RELN: variants seen among roughly 807,000 people sequenced by gnomAD.
The protein encoded by RELN is reelin.
RELN carries 108 observed loss-of-function variants against 427.6 expected under a neutral mutation model. That is an observed-to-expected ratio of 0.25 (90% confidence interval 0.22 to 0.30). The LOEUF is 0.30. Among genes scored for constraint, RELN ranks in the 10% least tolerant of loss-of-function variants. The pLI is 1.00. For missense variants in RELN, 3,715 were observed against 4,302.8 expected (o/e 0.86, Z 3.82); for synonymous variants, 1,524 against 1,513.4 (o/e 1.01, Z -0.16).
At chr7:103,487,965 G>GT (rs200870534) in intron 60 of RELN, among the ~76,000 whole-genome samples, 4,990 of 152,176 alleles carry the variant, frequency 0.033, 113 homozygotes, top group African/African-American at 0.068. Flanking sequence ...CTAACACGGT[G>GT]AAACCCCATC....
At chr7:103,770,506 T>C (rs1208631553) in intron 4 of RELN, among the ~76,000 whole-genome samples, 6 of 152,164 alleles carry the variant, frequency 3.9e-5, no homozygotes, top group African/African-American at 1.2e-4. Context: ...GTTCAACCTA[T>C]TCAACTTCAA....
chr7:103,818,869 C>T (rs919048778), intron 3 of RELN, among the ~76,000 whole-genome samples: 7 of 150,678 alleles, frequency 4.6e-5, no homozygotes, highest in African/African-American at 1.7e-4. Flanking sequence ...TTTGTAAAAA[C>T]TAAAATTGAA....
intron 11 of RELN, among the ~76,000 whole-genome samples, chr7:103,676,255 A>G (rs1236938719): frequency 6.6e-6 from 1 of 152,236 alleles, no homozygotes; most frequent in African/African-American, 2.4e-5. Context: ...TTCTCAAAAG[A>G]AGATGTTTAT....
chr7:103,868,241 G>T (rs973682838), intron 2 of RELN, among the ~76,000 whole-genome samples: 1 of 151,984 alleles, frequency 6.6e-6, no homozygotes, highest in African/African-American at 2.4e-5. Context: ...GCCTCAAACC[G>T]AGCAAGCTAA....
chr7:103,611,491 A>G (rs1254529365), intron 21 of RELN, 120 bp downstream of exon 21: 44 of 752,532 alleles, frequency 5.8e-5, no homozygotes, highest in Non-Finnish European at 8.8e-6. Context: ...CAAATATTAA[A>G]TAACACTGTT....
At chr7:103,587,602 G>A (rs960498632) in intron 28 of RELN, among the ~76,000 whole-genome samples, 10 of 152,012 alleles carry the variant, frequency 6.6e-5, no homozygotes, top group East Asian at 1.9e-4. Context: ...CTATGGGATC[G>A]GAAAAATATT....
chr7:103,610,945 T>G, intron 21 of RELN, 138 bp from the exon 22 acceptor site: 1 of 680,860 alleles, frequency 1.5e-6, no homozygotes, highest in East Asian at 2.7e-5. Flanking sequence ...ATGGAAACAA[T>G]CCATGATTTT....
At chr7:103,808,497 C>G (rs1365191005) in intron 3 of RELN, among the ~76,000 whole-genome samples, 1 of 151,848 alleles carries the variant, frequency 6.6e-6, no homozygotes, top group Non-Finnish European at 1.5e-5. Context: ...TCAACAATCA[C>G]TAGACTTTTT....
At chr7:103,694,563 T>G (rs576699726) in intron 10 of RELN, among the ~76,000 whole-genome samples, 11 of 152,040 alleles carry the variant, frequency 7.2e-5, no homozygotes, top group Non-Finnish European at 1.0e-4. Context: ...CCTAGAACAG[T>G]AAGTGTTCAA....
At chr7:103,880,014 G>C (rs745998567) in intron 2 of RELN, among the ~76,000 whole-genome samples, 1 of 151,758 alleles carries the variant, frequency 6.6e-6, no homozygotes, top group Non-Finnish European at 1.5e-5. Context: ...CCACAAGCTA[G>C]GCTTAATGTG....
rs1435863775 is a variant in RELN at position 103,626,222 on chromosome 7, C to T, written c.2702+3718G>A. ...AATTATCTGGCTTTAATTTTACAAG[C>T]TTCTAAGTGGCAGTGTGAGAATTTG... On this transcript the variant is annotated intron_variant, in intron 20 of 64. Coordinates refer to ENST00000428762, the MANE Select transcript of RELN (RefSeq NM_005045.4). The surrounding 1 kb of genome is among the most constrained non-coding windows in gnomAD (Gnocchi z 4.4). 6.6e-6 allele frequency among the ~76,000 whole-genome samples: 1 copy of T among 152,110 alleles called. No homozygotes were observed. The highest frequency in any genetic ancestry group is 2.4e-5 in the African/African-American group (1 of 41,436).
chr7:103,831,025 C>T (rs1203424785), intron 3 of RELN, among the ~76,000 whole-genome samples: 1 of 151,954 alleles, frequency 6.6e-6, no homozygotes, highest in African/African-American at 2.4e-5. Context: ...ACTTAAAATA[C>T]CTAAGTTATT....
chr7:103,576,667 C>T (rs1007856013), intron 28 of RELN, among the ~76,000 whole-genome samples: 2 of 152,198 alleles, frequency 1.3e-5, no homozygotes, highest in Non-Finnish European at 2.9e-5. Flanking sequence ...ATGCTTCAGG[C>T]AGGGAAGAGT....
intron 19 of RELN, among the ~76,000 whole-genome samples, chr7:103,631,232 C>A (rs1832457730): frequency 7.1e-6 from 1 of 141,832 alleles, no homozygotes; most frequent in South Asian, 2.3e-4. Flanking sequence ...AACATATTTT[C>A]TAAATAAAGG....
intron 53 of RELN, among the ~76,000 whole-genome samples, chr7:103,498,823 T>C (rs1361264364): frequency 2.0e-5 from 1 of 50,874 alleles, no homozygotes. Context: ...TTGTAAAAAG[T>C]TAGTTAGTTA....
intron 1 of RELN, among the ~76,000 whole-genome samples, chr7:103,949,038 A>C (rs11973515): frequency 0.37 from 47,765 of 129,068 alleles, 8,600 homozygotes; most frequent in Non-Finnish European, 0.43. Context: ...AAAAAAAAAA[A>C]AAAAAAAAAC....
At chr7:103,743,191 A>C (rs1055815909) in intron 6 of RELN, among the ~76,000 whole-genome samples, 8 of 152,152 alleles carry the variant, frequency 5.3e-5, no homozygotes, top group South Asian at 2.1e-4. Context: ...GAAATAAAAT[A>C]CTTTACAGAC....
At position 103,657,777 on chromosome 7, in the gene RELN, T is replaced by C. The variant is rs1017559969; in HGVS notation, c.1442-3572A>G. ...TGACAGCAGCTTCTACAGGGAGATA[T>C]GGATTCTTCTTCAGCTTCATAGCCT... On this transcript the variant is annotated intron_variant, in intron 12 of 64. Transcript: ENST00000428762. Among the ~76,000 whole-genome samples, 11 of 152,198 alleles carry C rather than the reference T, an allele frequency of 7.2e-5. No individual in the cohort carries two copies. In the East Asian group the frequency reaches 7.7e-4, roughly 11 times the overall value.
At chr7:103,723,561 C>G (rs1307541355) in intron 7 of RELN, among the ~76,000 whole-genome samples, 1 of 152,006 alleles carries the variant, frequency 6.6e-6, no homozygotes, top group Non-Finnish European at 1.5e-5. Flanking sequence ...GATCGGGGAC[C>G]CAAAGAGAAT....
Sources: gnomAD v4.1 joint callset for allele counts (sites outside exome capture counted in the v4.1 genomes callset) on GRCh38, gnomAD v4.1.1 for gene constraint, Gnocchi (gnomAD v3.1) non-coding constraint, MANE v1.5 for transcripts, NCBI Gene and HGNC (gene_info 2026-07-23, HGNC 2026-07-21) for gene names.